MCM10: variants seen among roughly 807,000 people sequenced by gnomAD.
MCM10 encodes protein MCM10 homolog.
MCM10 carries 91 observed loss-of-function variants against 109.9 expected under a neutral mutation model. The ratio of observed to expected loss-of-function variants is 0.83; its 90% CI spans 0.70 to 0.99. MCM10 has a LOEUF of 0.99. MCM10 is among the 50% of genes least tolerant of loss of function. The probability of loss-of-function intolerance (pLI) is 0.00; values close to 1 mark genes in which losing one functional copy is unlikely to be tolerated. For synonymous variants in MCM10, 380 were observed against 387.2 expected (o/e 0.98, Z 0.22); for missense variants, 1,077 against 1,061.2 (o/e 1.01, Z -0.21).
chr10:13,188,551 A>G (rs1457465882), intron 9 of MCM10, among the ~76,000 whole-genome samples: 2 of 109,636 alleles, frequency 1.8e-5, no homozygotes, highest in African/African-American at 5.7e-5. Flanking sequence ...ATTAAATAAC[A>G]TAGGTCCTAT....
intron 2 of MCM10, among the ~76,000 whole-genome samples, chr10:13,168,877 T>A (rs552022835): frequency 1.3e-5 from 2 of 152,238 alleles, no homozygotes; most frequent in African/African-American, 4.8e-5. Flanking sequence ...AACAGAGTCC[T>A]CAGCAGAATT....
chr10:13,195,103 C>T lies in MCM10; in HGVS notation c.1808C>T (p.Pro603Leu). The T allele has an allele frequency of 1.2e-6, 2 of 1,614,216 alleles. No homozygotes were observed. The highest frequency in any genetic ancestry group is 1.7e-6 in the Non-Finnish European group (2 of 1,180,036). ...GTGCCATCTTCATCAAGACAGCCCC[C>T]TGCTCAGCCTCCACGGACAGGATCC... Reference protein sequence around the residue: ...PAVPSSSRQPPAQPPRTGSEF... With the variant: ...PAVPSSSRQPLAQPPRTGSEF... Residue 603 changes from proline to leucine, a missense_variant, in exon 14 of 20, where the codon CCT (proline) becomes CTT (leucine). Coordinates refer to ENST00000378714, the MANE Select transcript of MCM10 (RefSeq NM_018518.5).
chr10:13,171,940 A>AT (rs1372542789), intron 3 of MCM10, among the ~76,000 whole-genome samples: 2 of 150,524 alleles, frequency 1.3e-5, no homozygotes, highest in Admixed American at 6.6e-5. Context: ...AATTTTTTTT[A>AT]TTTTTTTTAT....
chr10:13,188,484 G>A (rs1027908111), intron 9 of MCM10, among the ~76,000 whole-genome samples: 11 of 152,020 alleles, frequency 7.2e-5, no homozygotes, highest in African/African-American at 1.9e-4. Context: ...TCCTGGTGAC[G>A]TCTAATCTGC....
chr10:13,175,600 G>T lies in MCM10; in HGVS notation c.683G>T (p.Gly228Val), dbSNP rs376100016. Residue 228 changes from glycine to valine, a missense_variant, in exon 6 of 20, where the codon GGT (glycine) becomes GTT (valine). Transcript: ENST00000378714. ...SRNKPSGITR[G>V]QIVGTPGSSG... ...AACAAACCTAGTGGGATAACTAGAGGTCAAATTGTGGGGACCCCAGGAAGT... is the reference window on the plus strand; with the variant it reads ...AACAAACCTAGTGGGATAACTAGAGTTCAAATTGTGGGGACCCCAGGAAGT... 6.2e-7 allele frequency: 1 copy of T among 1,613,522 alleles called. No homozygotes were observed. Among genetic ancestry groups the T allele is most frequent in the African/African-American group, 1.3e-5 (1 of 74,920 alleles).
intron 6 of MCM10, among the ~76,000 whole-genome samples, chr10:13,176,524 A>G (rs943511408): frequency 1.3e-5 from 2 of 152,192 alleles, no homozygotes; most frequent in African/African-American, 4.8e-5. Context: ...TGTAAATATC[A>G]GCCAACAACT....
Position 13,192,204 on chromosome 10 carries a change from C to T in MCM10, c.1517-51C>T, listed in dbSNP as rs770412044. On this transcript the variant is annotated intron_variant, in intron 11 of 19. Transcript: ENST00000378714. The stretch of plus-strand genomic sequence containing the variant: ...TTTAGAAAGTGGTATGTCATATGAC[C>T]TCAAACCATCTGAATGTGAATCCTC... 12 of 1,274,102 alleles carry T rather than the reference C, an allele frequency of 9.4e-6. 1 individual carries two copies. Among genetic ancestry groups the T allele is most frequent in the South Asian group, 8.6e-5 (7 of 81,076 alleles). The allele number at this position is 1,274,102 out of a possible 1,614,324, so 78.9% of individuals were successfully genotyped here.
chr10:13,204,463 C>A, intron 18 of MCM10, 99 bp downstream of exon 18: 1 of 1,434,042 alleles, frequency 7.0e-7, no homozygotes, highest in Non-Finnish European at 9.5e-7. Flanking sequence ...GATGATCATT[C>A]CATGCCTTCC....
intron 1 of MCM10, among the ~76,000 whole-genome samples, chr10:13,163,503 T>C (rs1438542982): frequency 6.6e-6 from 1 of 152,214 alleles, no homozygotes; most frequent in Non-Finnish European, 1.5e-5. Flanking sequence ...TGATACAACT[T>C]TGTCTTAATT....
rs1232424820 is a variant in MCM10, at chr10:13,195,279, A to C, written c.1974+10A>C. On this transcript the variant is annotated intron_variant, in intron 14 of 19. Transcript: ENST00000378714. Reference sequence around the variant, plus strand: ...AGCAGAAGCCAAAAAGGTAACTGGCATCTCTTCTCTTTAGCACTTGAGTTT... The same window carrying C: ...AGCAGAAGCCAAAAAGGTAACTGGCCTCTCTTCTCTTTAGCACTTGAGTTT... 1.3e-6 allele frequency: 2 copies of C among 1,575,592 alleles called. No individual in the cohort carries two copies. The highest frequency in any genetic ancestry group is 1.7e-6 in the Non-Finnish European group (2 of 1,158,008).
chr10:13,163,415 A>T (rs190178894), intron 1 of MCM10, among the ~76,000 whole-genome samples: 1 of 152,352 alleles, frequency 6.6e-6, no homozygotes, highest in East Asian at 1.9e-4. Context: ...TGTAAGTTAA[A>T]TAAGAGCCTA....
chr10:13,162,111 G>A (rs968469290), intron 1 of MCM10, among the ~76,000 whole-genome samples: 8 of 152,182 alleles, frequency 5.3e-5, no homozygotes, highest in African/African-American at 1.9e-4. Context: ...ACCGAAGGGC[G>A]AGAAGGACCT....
At chr10:13,204,545 C>A in intron 18 of MCM10, 181 bp downstream of exon 18, 1 of 669,112 alleles carries the variant, frequency 1.5e-6, no homozygotes, top group South Asian at 2.0e-5. Context: ...CCTGCCCTTT[C>A]ACTGCTGTCC....
intron 2 of MCM10, among the ~76,000 whole-genome samples, chr10:13,167,131 AAAAT>A (rs202079077): frequency 1.3e-5 from 2 of 152,110 alleles, no homozygotes; most frequent in African/African-American, 4.8e-5. Flanking sequence ...CCTGTCTTGA[AAAAT>A]AAATAAATAA....
intron 2 of MCM10, among the ~76,000 whole-genome samples, chr10:13,169,660 T>C (rs1834044692): frequency 6.6e-6 from 1 of 152,230 alleles, no homozygotes; most frequent in Non-Finnish European, 1.5e-5. Flanking sequence ...AGTCTTATTA[T>C]AGGATACAAT....
At position 13,183,039 on chromosome 10, in the gene MCM10, A is replaced by T; in HGVS notation, c.1037A>T (p.Gln346Leu). The change falls in exon 8 of 20, where the codon CAG (glutamine) becomes CTG (leucine). Residue 346 changes from glutamine (Q) to leucine (L), a missense_variant. Coordinates refer to ENST00000378714, the MANE Select transcript of MCM10 (RefSeq NM_018518.5). ...CACAAAGCGCTCTGGAAGACGGAGCAGGGGACTGTCGTAGGGATCCTCAAT... is the reference window on the plus strand; with the variant it reads ...CACAAAGCGCTCTGGAAGACGGAGCTGGGGACTGTCGTAGGGATCCTCAAT... Reference protein sequence around the residue: ...EVHKALWKTEQGTVVGILNAN... With the variant: ...EVHKALWKTELGTVVGILNAN... 6.2e-7 allele frequency: 1 copy of T among 1,614,190 alleles called. No homozygotes were observed. Among genetic ancestry groups the T allele is most frequent in the South Asian group, 1.1e-5 (1 of 91,080 alleles).
rs781012938 is a variant in MCM10 at position 13,197,734 on chromosome 10, C to T, written c.2086C>T (p.Arg696Cys). 1.1e-5 allele frequency: 17 copies of T among 1,612,486 alleles called. No homozygotes were observed. The highest frequency in any genetic ancestry group is 2.2e-5 in the East Asian group (1 of 44,852). The change falls in exon 15 of 20, where the codon CGT (arginine) becomes TGT (cysteine). Residue 696 changes from arginine to cysteine, a missense_variant. Arg to Cys is a radical substitution (Grantham distance 180). Coordinates refer to ENST00000378714, the MANE Select transcript of MCM10 (RefSeq NM_018518.5). ...TCAGGACATCCTGGAGGTGAAGGAA[C>T]GTGTAGAAAAAAACACCATGTTTTC... ...DPQDILEVKE[R>C]VEKNTMFSSQ...
chr10:13,199,646 T>C (rs940615949), intron 16 of MCM10, among the ~76,000 whole-genome samples: 1 of 152,018 alleles, frequency 6.6e-6, no homozygotes, highest in Non-Finnish European at 1.5e-5. Context: ...CTAATGCAAA[T>C]AAGAAAAAAT....
At chr10:13,171,955 T>C (rs975348824) in intron 3 of MCM10, among the ~76,000 whole-genome samples, 1 of 151,810 alleles carries the variant, frequency 6.6e-6, no homozygotes, top group Non-Finnish European at 1.5e-5. Flanking sequence ...TTTTATTTTT[T>C]GTAGATACAG....
Sources: allele counts gnomAD v4.1 joint callset (sites outside exome capture counted in the v4.1 genomes callset), GRCh38; gene constraint gnomAD v4.1.1; transcripts MANE v1.5; gene names NCBI Gene and HGNC (gene_info 2026-07-23, HGNC 2026-07-21).